The following ZMYM2 variants were observed in gnomAD, a reference collection of about 807,000 sequenced individuals.
ZMYM2 encodes the protein zinc finger MYM-type containing 2, also known as zinc finger MYM-type protein 2.
In ZMYM2, 56 loss-of-function variants were observed where a neutral mutation model predicts 162.8. The ratio of observed to expected loss-of-function variants is 0.34; its 90% CI spans 0.28 to 0.43. The LOEUF (loss-of-function observed/expected upper bound fraction) is 0.43, where lower values mean the gene tolerates loss of function less well. Among genes scored for constraint, ZMYM2 ranks in the 20% least tolerant of loss-of-function variants. The pLI, the probability that ZMYM2 is intolerant of heterozygous loss-of-function variation, is 1.00. For missense variants in ZMYM2, 1,275 were observed against 1,621.8 expected (o/e 0.79, Z 3.67); for synonymous variants, 510 against 541.6 (o/e 0.94, Z 0.81).
At chr13:19,899,295 A>C in the ZMYM2 span, among the ~76,000 whole-genome samples, 6 of 152,074 alleles carry the variant, frequency 3.9e-5, no homozygotes, top group Non-Finnish European at 7.4e-5. Flanking sequence ...ATAGATAAAT[A>C]GATAAACAAT....
upstream of ZMYM2, among the ~76,000 whole-genome samples, chr13:19,955,290 C>T (rs907602634): frequency 5.3e-5 from 8 of 152,066 alleles, no homozygotes; most frequent in African/African-American, 1.9e-4. Flanking sequence ...CTAAAATTTA[C>T]TGAGGTCTAT....
the ZMYM2 span, among the ~76,000 whole-genome samples, chr13:19,899,270 T>C: frequency 6.6e-6 from 1 of 151,638 alleles, no homozygotes; most frequent in Non-Finnish European, 1.5e-5. Context: ...ACTTCTGAAA[T>C]AAATAAATAA....
chr13:19,971,262 A>ATATATATATATTTT (rs1329532735), intron 2 of ZMYM2, among the ~76,000 whole-genome samples: 6 of 78,334 alleles, frequency 7.7e-5, no homozygotes, highest in African/African-American at 2.3e-4. Flanking sequence ...ATATATATAT[A>ATATATATATATTTT]TTTTTTTTTT....
the ZMYM2 span, among the ~76,000 whole-genome samples, chr13:19,935,991 C>T: frequency 1.3e-5 from 2 of 152,116 alleles, no homozygotes; most frequent in African/African-American, 4.8e-5. Context: ...ATCATAGGAG[C>T]GTTTCAAAAC....
intron 21 of ZMYM2, chr13:20,071,992 C>A: frequency 5.4e-6 from 1 of 185,290 alleles, no homozygotes; most frequent in South Asian, 1.5e-4. Context: ...CTGGGATTGT[C>A]CTCTTTGGAA....
At chr13:19,937,704 A>T in the ZMYM2 span, among the ~76,000 whole-genome samples, 4,494 of 151,246 alleles carry the variant, frequency 0.03, 165 homozygotes, top group African/African-American at 0.085. Context: ...TTGTTACATA[A>T]GTATACATGT....
intron 12 of ZMYM2, 103 bp from the exon 13 acceptor site, chr13:20,051,330 G>A: frequency 1.1e-6 from 1 of 915,022 alleles, no homozygotes; most frequent in Non-Finnish European, 1.5e-6. Context: ...TACTTTTTCT[G>A]TATCAGTCAC....
the ZMYM2 span, among the ~76,000 whole-genome samples, chr13:19,896,762 A>C: frequency 4.1e-5 from 6 of 145,050 alleles, no homozygotes; most frequent in Middle Eastern, 0.011. Flanking sequence ...CTCCATCTCA[A>C]AAAAAAAAAA....
chr13:19,953,761 T>G (rs976690234), upstream of ZMYM2, among the ~76,000 whole-genome samples: 4 of 151,984 alleles, frequency 2.6e-5, no homozygotes, highest in Non-Finnish European at 5.9e-5. Flanking sequence ...CATCTTGTGT[T>G]TTTCCAGCTG....
chr13:20,082,025 G>T lies in ZMYM2; in HGVS notation c.3463G>T (p.Gly1155Ter). The change falls in exon 22 of 25, where the codon GGA (glycine) becomes TGA (stop). Residue 1155 changes from glycine to a stop codon, truncating the protein, a stop_gained. Transcript: ENST00000610343. LOFTEE classifies it high-confidence loss of function. The part of the protein sequence containing the change: ...LCLGIQEYLC[G>*]SNRKDNIFID... ...TTTTTTTTTTTTATAGTATTTGTGT[G>T]GAAGTAATCGAAAAGACAACATATT... The T allele has an allele frequency of 6.3e-7, 1 of 1,581,734 alleles. No homozygotes were observed. The highest frequency in any genetic ancestry group is 8.6e-7 in the Non-Finnish European group (1 of 1,167,486).
rs1229336516 is a variant in ZMYM2, at chr13:20,087,677, T to C, written c.*1663T>C. 4 of 184,774 alleles carry C rather than the reference T, an allele frequency of 2.2e-5. No individual in the cohort carries two copies. The highest frequency in any genetic ancestry group is 6.2e-5 in the Admixed American group (1 of 16,030). The allele number at this position is 184,774 out of a possible 1,614,324, so 11.4% of individuals were successfully genotyped here. On this transcript the variant is annotated 3_prime_UTR_variant, in exon 25 of 25. Coordinates refer to ENST00000610343, the MANE Select transcript of ZMYM2 (RefSeq NM_197968.4). ...CTGAATGTTTTGGCATAAAAAATTA[T>C]AATGTTCTAACTTGTTTTATAAGTT...
the ZMYM2 span, among the ~76,000 whole-genome samples, chr13:19,871,777 A>G: frequency 6.6e-6 from 1 of 152,224 alleles, no homozygotes; most frequent in African/African-American, 2.4e-5. Context: ...ACATTTACAC[A>G]AACTGAATAC....
intron 2 of ZMYM2, among the ~76,000 whole-genome samples, chr13:19,991,259 G>T (rs905553824): frequency 7.2e-5 from 11 of 151,834 alleles, no homozygotes; most frequent in Non-Finnish European, 1.6e-4. Flanking sequence ...GACTACAGAT[G>T]TGCGCCACCA....
At chr13:19,957,792 C>T (rs1414489343), upstream of ZMYM2, among the ~76,000 whole-genome samples, 1 of 152,220 alleles carries the variant, frequency 6.6e-6, no homozygotes, top group Admixed American at 6.5e-5. Flanking sequence ...CCCCTCCAAC[C>T]GGTGGGAGCC....
At chr13:19,883,015 GGAC>G in the ZMYM2 span, among the ~76,000 whole-genome samples, 1 of 152,086 alleles carries the variant, frequency 6.6e-6, no homozygotes. Context: ...ATCCATTAAT[GGAC>G]GAAAGGATAA....
chr13:19,875,990 T>C, the ZMYM2 span, among the ~76,000 whole-genome samples: 1 of 151,908 alleles, frequency 6.6e-6, no homozygotes, highest in Admixed American at 6.6e-5. Flanking sequence ...AAATTAAAAA[T>C]AAATAAATAA....
At chr13:20,073,032 C>G (rs1957210283) in intron 21 of ZMYM2, among the ~76,000 whole-genome samples, 1 of 152,006 alleles carries the variant, frequency 6.6e-6, no homozygotes, top group Non-Finnish European at 1.5e-5. Context: ...CTCAGCCTCC[C>G]AAGTAGCTGG....
At chr13:19,867,019 G>A in the ZMYM2 span, among the ~76,000 whole-genome samples, 1 of 152,192 alleles carries the variant, frequency 6.6e-6, no homozygotes, top group Admixed American at 6.5e-5. Context: ...AAACCGTAGA[G>A]GAAATGTAAT....
the ZMYM2 span, among the ~76,000 whole-genome samples, chr13:19,934,660 A>G: frequency 2.3e-4 from 35 of 152,114 alleles, no homozygotes; most frequent in African/African-American, 8.2e-4. Context: ...CTTTTACCCA[A>G]TAATGTTTAC....
Sources: allele counts gnomAD v4.1 joint callset (sites outside exome capture counted in the v4.1 genomes callset), GRCh38; gene constraint gnomAD v4.1.1; transcripts MANE v1.5; gene names NCBI Gene and HGNC (gene_info 2026-07-23, HGNC 2026-07-21).